Variants in BNC2 observed in about 807,000 individuals in gnomAD.
BNC2 encodes zinc finger protein basonuclin-2.
A neutral mutation model predicts 76.3 loss-of-function variants in BNC2; 20 were observed. The ratio of observed to expected loss-of-function variants is 0.26; its 90% CI spans 0.18 to 0.38. The LOEUF (loss-of-function observed/expected upper bound fraction) is 0.38. Among genes scored for constraint, BNC2 ranks in the 10% least tolerant of loss-of-function variants. The pLI, the probability that BNC2 is intolerant of heterozygous loss-of-function variation, is 1.00. For synonymous variants in BNC2, 582 were observed against 514.8 expected (o/e 1.13, Z -1.77); for missense variants, 1,382 against 1,399.8 (o/e 0.99, Z 0.20).
intron 1 of BNC2, among the ~76,000 whole-genome samples, chr9:16,740,340 T>C (rs977926680): frequency 6.6e-5 from 10 of 152,202 alleles, no homozygotes; most frequent in Non-Finnish European, 1.5e-4. Flanking sequence ...ATAGGGAGAT[T>C]GACAGTGACT....
chr9:16,834,063 A>T (rs1818645418), intron 1 of BNC2, among the ~76,000 whole-genome samples: 1 of 152,178 alleles, frequency 6.6e-6, no homozygotes, highest in Admixed American at 6.5e-5. Flanking sequence ...AACCCTTCAG[A>T]GAAATCTTCT....
intron 3 of BNC2, among the ~76,000 whole-genome samples, chr9:16,615,004 A>AAAAAAAAAAG (rs1281440121): frequency 1.8e-5 from 2 of 113,080 alleles, no homozygotes; most frequent in Non-Finnish European, 1.8e-5. Context: ...AAAAAAAAAA[A>AAAAAAAAAAG]GCCAAGCAGG....
At chr9:16,513,498 G>A (rs758602777) in intron 5 of BNC2, among the ~76,000 whole-genome samples, 48 of 151,934 alleles carry the variant, frequency 3.2e-4, no homozygotes, top group Admixed American at 5.2e-4. Context: ...AGTGGAGACG[G>A]GTTTCACCAT....
chr9:16,799,734 G>T (rs1193361541), intron 1 of BNC2, among the ~76,000 whole-genome samples: 1 of 152,108 alleles, frequency 6.6e-6, no homozygotes, highest in Non-Finnish European at 1.5e-5. Context: ...GCCCAGTAAG[G>T]TAATCACCCA....
In BNC2 at chr9:16,567,832, G is replaced by A. The variant is rs1819211106; in HGVS notation, c.434-15067C>T. Reference sequence around the variant, plus strand: ...AGCTGTTCAGGCATGGCAGTGTGAAGCTAGCAGCCATTCAATAAGATAAGA... The same window carrying A: ...AGCTGTTCAGGCATGGCAGTGTGAAACTAGCAGCCATTCAATAAGATAAGA... On this transcript the variant is annotated intron_variant, in intron 4 of 6. Transcript: ENST00000380672. Among the ~76,000 whole-genome samples, 2 of 152,132 alleles carry A rather than the reference G, an allele frequency of 1.3e-5. 1 individual carries two copies. The highest frequency in any genetic ancestry group is 3.9e-4 in the East Asian group (2 of 5,188).
At position 16,470,741 on chromosome 9, in the gene BNC2, G is replaced by A. The variant is rs115246380; in HGVS notation, c.670-33217C>T. ...CACAGAAGTCAAGAATCGAAGTTTC[G>A]GAACCTCCGCCTAGATTTCAGAAGA... On this transcript the variant is annotated intron_variant, in intron 5 of 6. Transcript: ENST00000380672. 2.7e-3 allele frequency among the ~76,000 whole-genome samples: 407 copies of A among 152,304 alleles called. 2 individuals are homozygous for A. The highest frequency in any genetic ancestry group is 7.7e-3 in the African/African-American group (321 of 41,578).
chr9:16,684,679 A>AG (rs1822924126), intron 3 of BNC2, among the ~76,000 whole-genome samples: 1 of 152,160 alleles, frequency 6.6e-6, no homozygotes, highest in Non-Finnish European at 1.5e-5. Context: ...TAAAAAAAAA[A>AG]GTATGAGTTT....
At chr9:16,779,271 T>G (rs1171950033) in intron 1 of BNC2, among the ~76,000 whole-genome samples, 1 of 142,648 alleles carries the variant, frequency 7.0e-6, no homozygotes, top group Non-Finnish European at 1.5e-5. Context: ...ACTACTGCAC[T>G]CCAGCCTGCG....
intron 1 of BNC2, chr9:16,867,710 C>G (rs1477990947): frequency 6.7e-6 from 1 of 150,180 alleles, no homozygotes; most frequent in Non-Finnish European, 1.5e-5. Flanking sequence ...ACCCCCACCC[C>G]TTTTTGAGCC....
At chr9:16,660,748 GA>G (rs1234303967) in intron 3 of BNC2, among the ~76,000 whole-genome samples, 1 of 147,630 alleles carries the variant, frequency 6.8e-6, no homozygotes, top group Non-Finnish European at 1.5e-5. Context: ...AAATACTCAG[GA>G]AAAAAAAATA....
intron 3 of BNC2, among the ~76,000 whole-genome samples, chr9:16,713,887 C>G (rs1445123054): frequency 2.6e-5 from 4 of 152,082 alleles, no homozygotes; most frequent in Non-Finnish European, 5.9e-5. Context: ...CCAGCCTGGG[C>G]AATATGGCAA....
chr9:16,573,221 CA>C (rs5896694), intron 4 of BNC2, among the ~76,000 whole-genome samples: 40,032 of 96,314 alleles, frequency 0.42, 5,088 homozygotes, highest in South Asian at 0.43. Flanking sequence ...GACCCTGTCT[CA>C]AAAAAAAAAA....
chr9:16,604,989 G>T (rs563978171), intron 3 of BNC2, among the ~76,000 whole-genome samples: 1 of 151,978 alleles, frequency 6.6e-6, no homozygotes, highest in African/African-American at 2.4e-5. Flanking sequence ...CTCCACTCTC[G>T]GGAATTACAC....
chr9:16,506,613 C>T (rs753921975), intron 5 of BNC2, among the ~76,000 whole-genome samples: 9 of 149,186 alleles, frequency 6.0e-5, no homozygotes, highest in Non-Finnish European at 1.0e-4. Context: ...GCAACCTCCA[C>T]CTCCTTGCTT....
At chr9:16,527,069 G>A (rs542490448) in intron 5 of BNC2, among the ~76,000 whole-genome samples, 1 of 152,310 alleles carries the variant, frequency 6.6e-6, no homozygotes, top group African/African-American at 2.4e-5. Context: ...GGAACAGAGA[G>A]AGGAAGAGAG....
intron 5 of BNC2, among the ~76,000 whole-genome samples, chr9:16,542,002 GA>G (rs891586285): frequency 6.1e-5 from 9 of 148,156 alleles, no homozygotes; most frequent in East Asian, 2.0e-4. Flanking sequence ...AATCAAGAAA[GA>G]AAAAAAAATC....
chr9:16,770,774 G>C (rs904347593), intron 1 of BNC2, among the ~76,000 whole-genome samples: 1 of 152,040 alleles, frequency 6.6e-6, no homozygotes, highest in South Asian at 2.1e-4. Context: ...TGAGGTGGGA[G>C]AATCGCTTGA....
At chr9:16,523,429 C>CT in intron 5 of BNC2, among the ~76,000 whole-genome samples, 1 of 150,384 alleles carries the variant, frequency 6.6e-6, no homozygotes. Context: ...CGAGATAGCG[C>CT]CACTGCACTC....
chr9:16,796,087 C>T (rs1366849241), intron 1 of BNC2, among the ~76,000 whole-genome samples: 1 of 152,200 alleles, frequency 6.6e-6, no homozygotes, highest in East Asian at 1.9e-4. Context: ...TCAAAGCCCA[C>T]ACTCCTTCTA....
Sources: gnomAD v4.1 joint callset for allele counts (sites outside exome capture counted in the v4.1 genomes callset) on GRCh38, gnomAD v4.1.1 for gene constraint, MANE v1.5 for transcripts, NCBI Gene and HGNC (gene_info 2026-07-23, HGNC 2026-07-21) for gene names.